Variants in STIMATE observed in about 807,000 individuals in gnomAD.
The protein encoded by STIMATE is store-operated calcium entry regulator STIMATE.
STIMATE carries 15 observed loss-of-function variants against 36.7 expected under a neutral mutation model. The observed-to-expected ratio is 0.41, with a 90% confidence interval of 0.27 to 0.63. The LOEUF is 0.63. Ranked by LOEUF, STIMATE falls within the 20% of genes least tolerant of loss-of-function variation. The probability of loss-of-function intolerance (pLI) is 0.32; values close to 1 mark genes in which losing one functional copy is unlikely to be tolerated. For missense variants in STIMATE, 305 were observed against 397.3 expected (o/e 0.77, Z 1.98); for synonymous variants, 163 against 162.3 (o/e 1.00, Z -0.03).
chr3:52,843,128 C>T (rs894832998), intron 6 of STIMATE, 168 bp from the exon 7 acceptor site: 1 of 1,254,606 alleles, frequency 8.0e-7, no homozygotes, highest in Non-Finnish European at 1.1e-6. Flanking sequence ...AAGAGATTCC[C>T]AGTCTCCACA....
intron 1 of STIMATE, among the ~76,000 whole-genome samples, chr3:52,881,953 G>C (rs535435058): frequency 1.1e-4 from 17 of 152,320 alleles, no homozygotes; most frequent in African/African-American, 4.1e-4. Flanking sequence ...GCTTTGCTAT[G>C]TTAGTTTTGT....
chr3:52,872,179 T>G (rs72959475), intron 1 of STIMATE, among the ~76,000 whole-genome samples: 4,712 of 152,192 alleles, frequency 0.031, 285 homozygotes, highest in African/African-American at 0.11. Flanking sequence ...TCTCAGAAAT[T>G]CTTACATTTT....
intron 1 of STIMATE, among the ~76,000 whole-genome samples, chr3:52,879,100 A>G (rs887364792): frequency 3.9e-5 from 6 of 152,268 alleles, no homozygotes; most frequent in Non-Finnish European, 5.9e-5. Flanking sequence ...AGTTCTTCTC[A>G]TGATACTAGA....
chr3:52,890,127 C>T (rs147728178), intron 1 of STIMATE, among the ~76,000 whole-genome samples: 2 of 152,334 alleles, frequency 1.3e-5, no homozygotes, highest in East Asian at 3.9e-4. Context: ...TTCCCCCTCT[C>T]CAGTGTGTTC....
At chr3:52,853,286 G>T (rs1419605712) in intron 2 of STIMATE, among the ~76,000 whole-genome samples, 1 of 152,174 alleles carries the variant, frequency 6.6e-6, no homozygotes, top group African/African-American at 2.4e-5. Context: ...ATACACACCG[G>T]GCCTGAGGGC....
At chr3:52,869,939 A>T (rs1701374913) in intron 1 of STIMATE, among the ~76,000 whole-genome samples, 1 of 152,246 alleles carries the variant, frequency 6.6e-6, no homozygotes, top group Non-Finnish European at 1.5e-5. Context: ...TATTAATAAA[A>T]CAATATACTT....
At chr3:52,852,570 G>A in intron 3 of STIMATE, 33 bp downstream of exon 3, 1 of 1,611,386 alleles carries the variant, frequency 6.2e-7, no homozygotes, top group Non-Finnish European at 8.5e-7. Context: ...TGGAGGGGCA[G>A]CTGATGTTTG....
chr3:52,869,062 A>G (rs770255746), intron 1 of STIMATE, among the ~76,000 whole-genome samples: 5 of 152,192 alleles, frequency 3.3e-5, no homozygotes, highest in Non-Finnish European at 5.9e-5. Flanking sequence ...ACCTGAATCC[A>G]AAGCCCACAT....
chr3:52,861,925 G>C (rs2106687304), intron 1 of STIMATE, among the ~76,000 whole-genome samples: 1 of 152,190 alleles, frequency 6.6e-6, no homozygotes, highest in South Asian at 2.1e-4. Context: ...CCGTGGTTCT[G>C]TCCTCCCTAC....
chr3:52,871,585 T>C (rs1701408645), intron 1 of STIMATE, among the ~76,000 whole-genome samples: 1 of 152,114 alleles, frequency 6.6e-6, no homozygotes, highest in African/African-American at 2.4e-5. Flanking sequence ...CCTCAGAGCC[T>C]CACTATGTTT....
Position 52,839,464 on chromosome 3 carries a change from C to A in STIMATE, c.*1030G>T. 1 of 152,316 alleles carries A rather than the reference C, an allele frequency of 6.6e-6. No individual in the cohort carries two copies. 9.4% of individuals were successfully genotyped at this position (152,316 alleles called of 1,614,324 possible). A position where few individuals can be genotyped will look rare whatever the true frequency, so the allele number is the denominator to read the frequency against. On this transcript the variant is annotated 3_prime_UTR_variant, in exon 8 of 8. Coordinates refer to ENST00000355083, the MANE Select transcript of STIMATE (RefSeq NM_198563.5). ...CACAGGAGTCTGGTAGTCTTGGGTC[C>A]TCTGGAAACAAAGACCTCTTAGCTA...
chr3:52,846,054 G>A (rs1306488553), intron 4 of STIMATE, among the ~76,000 whole-genome samples: 1 of 152,228 alleles, frequency 6.6e-6, no homozygotes, highest in Non-Finnish European at 1.5e-5. Context: ...AGCAATCCCT[G>A]TTTGGGCACC....
intron 1 of STIMATE, among the ~76,000 whole-genome samples, chr3:52,877,692 G>A (rs907330630): frequency 1.3e-5 from 2 of 152,216 alleles, no homozygotes; most frequent in African/African-American, 2.4e-5. Flanking sequence ...GTTGTGTGAC[G>A]TGGCGGCCAG....
At chr3:52,853,042 C>T (rs1575329762) in intron 2 of STIMATE, among the ~76,000 whole-genome samples, 2 of 152,284 alleles carry the variant, frequency 1.3e-5, no homozygotes, top group East Asian at 3.9e-4. Context: ...TCACAATGAG[C>T]TAAATTATGT....
intron 1 of STIMATE, among the ~76,000 whole-genome samples, chr3:52,871,583 C>T (rs1015129877): frequency 2.6e-5 from 4 of 152,142 alleles, no homozygotes; most frequent in African/African-American, 9.7e-5. Context: ...AGCCTCAGAG[C>T]CTCACTATGT....
chr3:52,862,997 G>A (rs1284644744), intron 1 of STIMATE, among the ~76,000 whole-genome samples: 1 of 152,158 alleles, frequency 6.6e-6, no homozygotes, highest in African/African-American at 2.4e-5. Context: ...GGCAAAAAAG[G>A]GTCCTCTCCC....
At chr3:52,856,807 G>A (rs1240537206) in intron 1 of STIMATE, among the ~76,000 whole-genome samples, 1 of 152,240 alleles carries the variant, frequency 6.6e-6, no homozygotes, top group African/African-American at 2.4e-5. Context: ...ATTTACGTCT[G>A]AACCTTGGGT....
rs969231032 is a variant in STIMATE, at chr3:52,855,383, C to T, written c.209+13G>A. 1 of 1,451,910 alleles carries T rather than the reference C, an allele frequency of 6.9e-7. No homozygotes were observed. Among genetic ancestry groups the T allele is most frequent in the Non-Finnish European group, 9.3e-7 (1 of 1,078,502 alleles). The allele number at this position is 1,451,910 out of a possible 1,614,324, so 89.9% of individuals were successfully genotyped here. A position where few individuals can be genotyped will look rare whatever the true frequency, so the allele number is the denominator to read the frequency against. On this transcript the variant is annotated intron_variant, in intron 2 of 7. Coordinates refer to ENST00000355083, the MANE Select transcript of STIMATE (RefSeq NM_198563.5). ...AAAAGCACTCCAGAATGAACTAATA[C>T]CTAAACACATACCATATCCTCCACG...
intron 1 of STIMATE, among the ~76,000 whole-genome samples, chr3:52,883,745 A>T (rs1701647422): frequency 6.6e-6 from 1 of 152,098 alleles, no homozygotes; most frequent in African/African-American, 2.4e-5. Flanking sequence ...ATTTTTCAGA[A>T]ATTGTATTTT....
Sources: gnomAD v4.1 joint callset for allele counts (sites outside exome capture counted in the v4.1 genomes callset) on GRCh38, gnomAD v4.1.1 for gene constraint, MANE v1.5 for transcripts, NCBI Gene and HGNC (gene_info 2026-07-23, HGNC 2026-07-21) for gene names.